Variants in DOP1B observed in about 807,000 individuals in gnomAD.
DOP1B encodes the protein protein DOP1B.
DOP1B carries 174 observed loss-of-function variants against 233.5 expected under a neutral mutation model. The ratio of observed to expected loss-of-function variants is 0.75; its 90% CI spans 0.66 to 0.85. The LOEUF (loss-of-function observed/expected upper bound fraction) is 0.85. DOP1B is among the 40% of genes least tolerant of loss of function. DOP1B has a pLI of 0.00. For synonymous variants in DOP1B, 1,190 were observed against 1,185.6 expected (o/e 1.00, Z -0.08); for missense variants, 2,652 against 2,846.6 (o/e 0.93, Z 1.56).
intron 2 of DOP1B, among the ~76,000 whole-genome samples, chr21:36,165,251 G>A (rs2065898401): frequency 1.3e-5 from 2 of 151,886 alleles, no homozygotes; most frequent in Non-Finnish European, 2.9e-5. Context: ...GGTCAAATTA[G>A]GTATTCAAAG....
At position 36,253,753 on chromosome 21, in the gene DOP1B, CTTT is replaced by C; in HGVS notation, c.5122-11_5122-9del. 4 of 1,474,790 alleles carry C rather than the reference CTTT, an allele frequency of 2.7e-6. No individual in the cohort carries two copies. The highest frequency in any genetic ancestry group is 3.7e-6 in the Non-Finnish European group (4 of 1,081,734). 91.4% of individuals were successfully genotyped at this position (1,474,790 alleles called of 1,614,324 possible). A position where few individuals can be genotyped will look rare whatever the true frequency, so the allele number is the denominator to read the frequency against. ...TTTCTCTCTATAAGCTTTCAAGGAA[CTTT>C]TTTTTTTCTTGGCAGATTATCCCAA... On this transcript the variant is annotated splice_polypyrimidine_tract_variant and intron_variant, in intron 22 of 36. Coordinates refer to ENST00000691173, the MANE Select transcript of DOP1B (RefSeq NM_001320714.2).
At chr21:36,237,996 T>G (rs2066846349) in intron 16 of DOP1B, among the ~76,000 whole-genome samples, 1 of 152,090 alleles carries the variant, frequency 6.6e-6, no homozygotes, top group Admixed American at 6.6e-5. Context: ...GGTGAAACCC[T>G]GTCTGTACTA....
chr21:36,237,357 C>G lies in DOP1B; in HGVS notation c.2718C>G (p.Ala906=). 6.2e-7 allele frequency: 1 copy of G among 1,614,196 alleles called. No homozygotes were observed. Among genetic ancestry groups the G allele is most frequent in the South Asian group, 1.1e-5 (1 of 91,088 alleles). ...TGTTCTACCGGCTGCACTGCCTGGC[C>G]CCTACGGCCAACATCTGCGAGGACA... The part of the protein sequence containing the change: ...VELFYRLHCL[A]PTANICEDII... The change falls in exon 16 of 37, where the codon GCC becomes GCG. Residue 906 remains alanine, a synonymous_variant. Transcript: ENST00000691173.
intron 4 of DOP1B, among the ~76,000 whole-genome samples, chr21:36,206,478 T>C (rs1034371543): frequency 1.3e-5 from 2 of 150,788 alleles, no homozygotes; most frequent in Admixed American, 6.6e-5. Flanking sequence ...TGCAGTGAGC[T>C]GTGTTCATGC....
At chr21:36,228,728 T>C (rs1312546455) in intron 13 of DOP1B, among the ~76,000 whole-genome samples, 1 of 151,810 alleles carries the variant, frequency 6.6e-6, no homozygotes, top group Non-Finnish European at 1.5e-5. Flanking sequence ...ATAGTGCCAC[T>C]GCAGTCCAGC....
chr21:36,242,530 C>T (rs1015118555), intron 18 of DOP1B, among the ~76,000 whole-genome samples: 1 of 152,056 alleles, frequency 6.6e-6, no homozygotes, highest in African/African-American at 2.4e-5. Context: ...CTAGACTGGT[C>T]TTGAACTCCT....
At position 36,263,549 on chromosome 21, in the gene DOP1B, C is replaced by T. The variant is rs1347237501; in HGVS notation, c.5319C>T (p.Leu1773=). ...TTCCTATCTTTTAAAAAAACAGGCT[C>T]CCAGTACCAGCCTTGCAAGAGAACT... The part of the protein sequence containing the change: ...LQFCYAFLQR[L]PVPALQENFS... The change falls in exon 25 of 37, where the codon CTC becomes CTT. Residue 1773 remains leucine (L), a synonymous_variant. Transcript: ENST00000691173. 2.5e-6 allele frequency: 4 copies of T among 1,613,688 alleles called. No individual in the cohort carries two copies. The African/African-American group carries it at 5.3e-5, about 22-fold the overall frequency.
chr21:36,234,727 G>A (rs2066806876), intron 15 of DOP1B, among the ~76,000 whole-genome samples: 1 of 152,056 alleles, frequency 6.6e-6, no homozygotes, highest in African/African-American at 2.4e-5. Flanking sequence ...TTTTAGTAGA[G>A]ACGGGGTTTT....
intron 2 of DOP1B, among the ~76,000 whole-genome samples, chr21:36,173,013 G>C (rs34619830): frequency 6.6e-6 from 1 of 152,068 alleles, no homozygotes; most frequent in South Asian, 2.1e-4. Context: ...CCAGCTACTT[G>C]GGAGGCTGAG....
intron 2 of DOP1B, among the ~76,000 whole-genome samples, chr21:36,197,299 A>G (rs1314794644): frequency 6.6e-6 from 1 of 152,160 alleles, no homozygotes; most frequent in Non-Finnish European, 1.5e-5. Context: ...CAGATATCTG[A>G]TGAAAAATAT....
intron 3 of DOP1B, among the ~76,000 whole-genome samples, chr21:36,200,040 A>T (rs1027762180): frequency 9.9e-5 from 15 of 152,220 alleles, no homozygotes; most frequent in Admixed American, 9.8e-4. Context: ...TGAACTAGTT[A>T]ACAGTCCCAC....
intron 2 of DOP1B, among the ~76,000 whole-genome samples, chr21:36,198,783 G>A (rs1381751365): frequency 6.6e-6 from 1 of 152,208 alleles, no homozygotes; most frequent in African/African-American, 2.4e-5. Context: ...CCTACTCATG[G>A]CTTCCTGAGA....
At position 36,246,102 on chromosome 21, in the gene DOP1B, C is replaced by A; in HGVS notation, c.4122C>A (p.Ile1374=). 1 of 1,614,116 alleles carries A rather than the reference C, an allele frequency of 6.2e-7. No individual in the cohort carries two copies. Residue 1374 remains isoleucine (I), a synonymous_variant, in exon 19 of 37, where the codon ATC becomes ATA. Coordinates refer to ENST00000691173, the MANE Select transcript of DOP1B (RefSeq NM_001320714.2). The surrounding 1 kb of genome is among the most constrained non-coding windows in gnomAD (Gnocchi z 5.1). ...KSSEGKNVEF[I]HSLLQRCKVQ... is the part of the protein sequence containing the mutation. ...CGGAAGGGAAGAACGTGGAGTTCAT[C>A]CACAGCTTGCTGCAGAGGTGCAAAG...
Position 36,242,362 on chromosome 21 carries a change from C to T in DOP1B, c.3067+2407C>T, listed in dbSNP as rs547837356. On this transcript the variant is annotated intron_variant, in intron 18 of 36. Transcript: ENST00000691173. ...TAATTTTTTGTATTTTTAGTGGAGA[C>T]GGGGTTTCACCATGTTAGCCAGGTT... Among the ~76,000 whole-genome samples the T allele has an allele frequency of 6.6e-5, 10 of 151,954 alleles. No homozygotes were observed. In the East Asian group the frequency reaches 1.6e-3, roughly 24 times the overall value.
At position 36,233,031 on chromosome 21, in the gene DOP1B, C is replaced by G; in HGVS notation, c.2578C>G (p.Pro860Ala). ...LQMVTVPPIAPGILKVIAEKT... is the reference protein window; with the variant it reads ...LQMVTVPPIAAGILKVIAEKT... ...GATGGTGACGGTTCCTCCCATTGCT[C>G]CAGGGATATTGAAAGTCATTGCAGA... Residue 860 changes from proline to alanine, a missense_variant, in exon 15 of 37, where the codon CCA (proline) becomes GCA (alanine). Physicochemically the swap from Pro to Ala is conservative, Grantham distance 27. Coordinates refer to ENST00000691173, the MANE Select transcript of DOP1B (RefSeq NM_001320714.2). 2.5e-6 allele frequency: 4 copies of G among 1,614,018 alleles called. No homozygotes were observed. Among genetic ancestry groups the G allele is most frequent in the Non-Finnish European group, 3.4e-6 (4 of 1,179,966 alleles).
intron 36 of DOP1B, 99 bp downstream of exon 36, chr21:36,292,332 C>A: frequency 1.1e-6 from 1 of 921,688 alleles, no homozygotes; most frequent in South Asian, 1.9e-5. Flanking sequence ...TCTTCGCTTA[C>A]TGCAGCCTCC....
intron 2 of DOP1B, among the ~76,000 whole-genome samples, chr21:36,176,916 T>A (rs1983267723): frequency 6.6e-6 from 1 of 152,156 alleles, no homozygotes; most frequent in African/African-American, 2.4e-5. Flanking sequence ...CCTCCCAGGT[T>A]CAAGTGATTC....
chr21:36,236,435 G>A (rs1376816468), intron 15 of DOP1B, among the ~76,000 whole-genome samples: 4 of 152,226 alleles, frequency 2.6e-5, no homozygotes, highest in South Asian at 2.1e-4. Context: ...TCCATGCTGC[G>A]TGGTAACCAA....
At position 36,253,737 on chromosome 21, in the gene DOP1B, A is replaced by T. The variant is rs754369626; in HGVS notation, c.5122-35A>T. The T allele has an allele frequency of 2.1e-5, 34 of 1,604,142 alleles. No homozygotes were observed. The African/African-American group carries it at 4.3e-4, about 20-fold the overall frequency. On this transcript the variant is annotated intron_variant, in intron 22 of 36. Coordinates refer to ENST00000691173, the MANE Select transcript of DOP1B (RefSeq NM_001320714.2). ...TCATCCTTATTTTTACTTTCTCTCT[A>T]TAAGCTTTCAAGGAACTTTTTTTTT...
Sources: gnomAD v4.1 joint callset for allele counts (sites outside exome capture counted in the v4.1 genomes callset) on GRCh38, gnomAD v4.1.1 for gene constraint, Gnocchi (gnomAD v3.1) non-coding constraint, MANE v1.5 for transcripts, NCBI Gene and HGNC (gene_info 2026-07-23, HGNC 2026-07-21) for gene names.